MKLN1: variants seen among roughly 807,000 people sequenced by gnomAD.
MKLN1 encodes muskelin.
MKLN1 carries 18 observed loss-of-function variants against 99.0 expected under a neutral mutation model. The observed-to-expected ratio is 0.18, with a 90% confidence interval of 0.13 to 0.27. The LOEUF is 0.27. Among genes scored for constraint, MKLN1 ranks in the 10% least tolerant of loss-of-function variants. MKLN1 has a pLI of 1.00. For synonymous variants in MKLN1, 288 were observed against 293.2 expected (o/e 0.98, Z 0.18); for missense variants, 621 against 875.9 (o/e 0.71, Z 3.67).
chr7:131,364,238 C>T (rs1188458361), intron 1 of MKLN1, among the ~76,000 whole-genome samples: 1 of 152,042 alleles, frequency 6.6e-6, no homozygotes, highest in Non-Finnish European at 1.5e-5. Context: ...CTTATCCTTT[C>T]AAAATACAAT....
At chr7:131,144,374 C>G (rs1439707259) in intron 2 of MKLN1, among the ~76,000 whole-genome samples, 4 of 150,250 alleles carry the variant, frequency 2.7e-5, no homozygotes, top group Admixed American at 1.3e-4. Context: ...CCCAGCTACT[C>G]GGGAGGCCAA....
chr7:131,427,015 A>G (rs1038191091), intron 8 of MKLN1, among the ~76,000 whole-genome samples: 1 of 152,156 alleles, frequency 6.6e-6, no homozygotes, highest in African/African-American at 2.4e-5. Context: ...CTGGCCTCAT[A>G]TAACTTATAT....
At chr7:131,349,133 G>C (rs1279472262) in intron 1 of MKLN1, among the ~76,000 whole-genome samples, 1 of 151,804 alleles carries the variant, frequency 6.6e-6, no homozygotes, top group Non-Finnish European at 1.5e-5. Context: ...GATTATTTTA[G>C]TAAAATTAAT....
chr7:131,445,708 G>T, intron 11 of MKLN1, 66 bp from the exon 12 acceptor site: 1 of 1,369,172 alleles, frequency 7.3e-7, no homozygotes, highest in Non-Finnish European at 9.9e-7. Flanking sequence ...GTTTTTAAAG[G>T]ATCATTCTGA....
At chr7:131,393,747 C>G (rs1563326480) in intron 4 of MKLN1, among the ~76,000 whole-genome samples, 1 of 152,036 alleles carries the variant, frequency 6.6e-6, no homozygotes, top group African/African-American at 2.4e-5. Context: ...CATCTGGCCT[C>G]CCAAGTAGCC....
At chr7:131,376,851 A>G (rs1418793484) in intron 2 of MKLN1, among the ~76,000 whole-genome samples, 1 of 151,926 alleles carries the variant, frequency 6.6e-6, no homozygotes, top group Non-Finnish European at 1.5e-5. Flanking sequence ...ATAATATTCC[A>G]TAGATATAGC....
At chr7:131,443,368 G>C in intron 10 of MKLN1, 113 bp from the exon 11 acceptor site, 1 of 718,806 alleles carries the variant, frequency 1.4e-6, no homozygotes, top group Non-Finnish European at 2.4e-6. Flanking sequence ...AGTGTCATTA[G>C]GGACAAAGTT....
At chr7:131,130,555 T>C (rs960649433) in intron 1 of MKLN1, among the ~76,000 whole-genome samples, 15 of 152,220 alleles carry the variant, frequency 9.9e-5, no homozygotes, top group African/African-American at 3.1e-4. Flanking sequence ...CTAGCTGGTT[T>C]AGTTTTTTCT....
chr7:131,352,018 G>A (rs868006798), intron 1 of MKLN1, among the ~76,000 whole-genome samples: 16 of 152,278 alleles, frequency 1.1e-4, no homozygotes, highest in Admixed American at 2.0e-4. Context: ...AGTTCTACTG[G>A]AAAAGCAAGA....
At chr7:131,255,559 A>G (rs1258373349) in intron 3 of MKLN1, among the ~76,000 whole-genome samples, 2 of 151,586 alleles carry the variant, frequency 1.3e-5, no homozygotes, top group Non-Finnish European at 2.9e-5. Context: ...GTTGTTGTCT[A>G]TCTATCTATC....
chr7:131,367,949 G>C (rs1449090735), intron 1 of MKLN1, among the ~76,000 whole-genome samples: 2 of 152,150 alleles, frequency 1.3e-5, no homozygotes, highest in Non-Finnish European at 2.9e-5. Context: ...TAGTATAAGA[G>C]GTTAACATCT....
At chr7:131,226,685 G>C (rs771295677) in intron 3 of MKLN1, among the ~76,000 whole-genome samples, 5 of 152,196 alleles carry the variant, frequency 3.3e-5, no homozygotes, top group Non-Finnish European at 7.3e-5. Flanking sequence ...AAGTTGTCTT[G>C]TGAGTCATGA....
chr7:131,479,916 C>T (rs967472370), intron 17 of MKLN1, among the ~76,000 whole-genome samples: 20 of 146,224 alleles, frequency 1.4e-4, no homozygotes, highest in Non-Finnish European at 2.4e-4. Context: ...CCCAACTACT[C>T]GGGAGGCTGA....
chr7:131,354,479 G>A (rs1003149015), intron 1 of MKLN1, among the ~76,000 whole-genome samples: 3 of 148,430 alleles, frequency 2.0e-5, no homozygotes, highest in South Asian at 2.1e-4. Flanking sequence ...ATCCTGCAAC[G>A]TTGCTGAACT....
At chr7:131,444,752 AGTAGTAGAAGAAGTAGTAGT>A (rs1795951048) in intron 11 of MKLN1, among the ~76,000 whole-genome samples, 2 of 89,044 alleles carry the variant, frequency 2.2e-5, no homozygotes, top group African/African-American at 9.0e-5. Flanking sequence ...TAGTAGTAGT[AGTAGTAGAAGAAGTAGTAGT>A]AGTAGTAGTA....
intron 1 of MKLN1, among the ~76,000 whole-genome samples, chr7:131,119,627 G>A (rs889362773): frequency 8.5e-5 from 13 of 152,232 alleles, no homozygotes; most frequent in East Asian, 3.9e-4. Context: ...AGACATTTCC[G>A]TGCATCCTCT....
intron 2 of MKLN1, among the ~76,000 whole-genome samples, chr7:131,175,286 C>G (rs1039049408): frequency 4.7e-5 from 4 of 85,994 alleles, no homozygotes; most frequent in African/African-American, 1.9e-4. Context: ...GAAGAAACTT[C>G]TTCCTGATTT....
chr7:131,282,869 C>T (rs75901390), intron 3 of MKLN1, among the ~76,000 whole-genome samples: 9,333 of 152,218 alleles, frequency 0.061, 399 homozygotes, highest in Middle Eastern at 0.11. Context: ...AAAGTTTTAT[C>T]TGATTTTCAG....
At chr7:131,275,138 T>C (rs538710778) in intron 3 of MKLN1, among the ~76,000 whole-genome samples, 1 of 152,124 alleles carries the variant, frequency 6.6e-6, no homozygotes, top group South Asian at 2.1e-4. Context: ...TTCTGGAGAC[T>C]GGAAATCCTA....
Sources: gnomAD v4.1 joint callset for allele counts (sites outside exome capture counted in the v4.1 genomes callset) on GRCh38, gnomAD v4.1.1 for gene constraint, MANE v1.5 for transcripts, NCBI Gene and HGNC (gene_info 2026-07-23, HGNC 2026-07-21) for gene names.